RCOR3: variants seen among roughly 807,000 people sequenced by gnomAD.
RCOR3 encodes the protein REST corepressor 3.
RCOR3 carries 13 observed loss-of-function variants against 64.1 expected under a neutral mutation model. The ratio of observed to expected loss-of-function variants is 0.20; its 90% CI spans 0.13 to 0.32. The LOEUF (loss-of-function observed/expected upper bound fraction) is 0.32, where lower values mean the gene tolerates loss of function less well. RCOR3 is among the 10% of genes least tolerant of loss of function. RCOR3 has a pLI of 1.00. For missense variants in RCOR3, 489 were observed against 701.2 expected (o/e 0.70, Z 3.42); for synonymous variants, 215 against 239.0 (o/e 0.90, Z 0.93).
At chr1:211,288,978 A>G (rs1047448602) in intron 7 of RCOR3, among the ~76,000 whole-genome samples, 200 bp from the exon 8 acceptor site, 1 of 152,148 alleles carries the variant, frequency 6.6e-6, no homozygotes, top group Admixed American at 6.5e-5. Flanking sequence ...AAGCAAGGAT[A>G]TATTATGTTG....
intron 10 of RCOR3, among the ~76,000 whole-genome samples, chr1:211,306,651 A>G (rs912273406): frequency 1.3e-5 from 2 of 152,188 alleles, no homozygotes; most frequent in Non-Finnish European, 2.9e-5. Flanking sequence ...GAAACCAAAC[A>G]TATTGAGATC....
intron 2 of RCOR3, among the ~76,000 whole-genome samples, chr1:211,267,047 A>G (rs187449131): frequency 4.9e-4 from 75 of 152,352 alleles, no homozygotes; most frequent in Admixed American, 1.4e-3. Flanking sequence ...TAAAGAAGGA[A>G]GGAACTTAAG....
In RCOR3 at chr1:211,304,151, G is replaced by A. The variant is rs781779305; in HGVS notation, c.1075+11G>A. 3 of 1,556,334 alleles carry A rather than the reference G, an allele frequency of 1.9e-6. No individual in the cohort carries two copies. The highest frequency in any genetic ancestry group is 1.9e-5 in the Admixed American group (1 of 52,500). ...TTCTAGCAGTGCAAGGTATATTAAA[G>A]ATAAGCAGTTATTGTTGTTAATAAT... is the stretch of plus-strand genomic sequence containing the variant. On this transcript the variant is annotated intron_variant, in intron 10 of 11. Transcript: ENST00000419091.
chr1:211,281,282 G>A (rs911236899), intron 7 of RCOR3, among the ~76,000 whole-genome samples: 4 of 151,892 alleles, frequency 2.6e-5, no homozygotes, highest in African/African-American at 9.7e-5. Context: ...CAATTTTAGT[G>A]GCATCTTTTT....
chr1:211,267,120 T>C (rs544921046), intron 2 of RCOR3, among the ~76,000 whole-genome samples: 4 of 152,344 alleles, frequency 2.6e-5, no homozygotes, highest in Admixed American at 2.6e-4. Flanking sequence ...GCTTACCATA[T>C]GCCACGTACT....
chr1:211,295,066 T>TTTTTTTTTTTTTG (rs1553259603), intron 8 of RCOR3, among the ~76,000 whole-genome samples: 1 of 113,316 alleles, frequency 8.8e-6, no homozygotes. Flanking sequence ...TTTTTTTTTT[T>TTTTTTTTTTTTTG]TCATAGAGAC....
intron 2 of RCOR3, among the ~76,000 whole-genome samples, chr1:211,270,887 G>A (rs1288896217): frequency 1.4e-5 from 2 of 145,814 alleles, no homozygotes; most frequent in Non-Finnish European, 3.0e-5. Context: ...ACGGAGTCTC[G>A]CTCTTTCACC....
rs1701842013 is a variant in RCOR3, at chr1:211,315,950, T to C, written c.*2182T>C. 1 of 152,228 alleles carries C rather than the reference T, an allele frequency of 6.6e-6. No individual in the cohort carries two copies. Among genetic ancestry groups the C allele is most frequent in the Non-Finnish European group, 1.5e-5 (1 of 68,036 alleles). 9.4% of individuals were successfully genotyped at this position (152,228 alleles called of 1,614,324 possible). A position where few individuals can be genotyped will look rare whatever the true frequency, so the allele number is the denominator to read the frequency against. On this transcript the variant is annotated 3_prime_UTR_variant, in exon 12 of 12. Coordinates refer to ENST00000419091, the MANE Select transcript of RCOR3 (RefSeq NM_001136223.3). ...CACGTCATTATTTTTCTTTTTTGTT[T>C]AAGCAGTGTTTGGCCTGGAAGAGTG...
intron 3 of RCOR3, among the ~76,000 whole-genome samples, chr1:211,273,737 G>A (rs1463850682): frequency 3.3e-5 from 5 of 152,144 alleles, no homozygotes; most frequent in African/African-American, 1.2e-4. Context: ...TAAATGTGTC[G>A]TTATTATGTA....
rs943398058 is a variant in RCOR3 at position 211,315,720 on chromosome 1, C to T, written c.*1952C>T. On this transcript the variant is annotated 3_prime_UTR_variant, in exon 12 of 12. Coordinates refer to ENST00000419091, the MANE Select transcript of RCOR3 (RefSeq NM_001136223.3). The stretch of plus-strand genomic sequence containing the variant: ...CAAGTTGGTCAGCACCAGCATCTGT[C>T]CAGCTGTTCAGTATATTGTGATTCA... 1 of 152,208 alleles carries T rather than the reference C, an allele frequency of 6.6e-6. No individual in the cohort carries two copies. The highest frequency in any genetic ancestry group is 2.4e-5 in the African/African-American group (1 of 41,444). The allele number at this position is 152,208 out of a possible 1,614,324, so 9.4% of individuals were successfully genotyped here.
At chr1:211,298,470 G>T (rs969506460) in intron 9 of RCOR3, among the ~76,000 whole-genome samples, 1 of 152,166 alleles carries the variant, frequency 6.6e-6, no homozygotes, top group African/African-American at 2.4e-5. Flanking sequence ...TTTTAAAAAT[G>T]AGTCAACAGG....
Position 211,259,469 on chromosome 1 carries a change from C to T in RCOR3, c.-92C>T, listed in dbSNP as rs935685428. On this transcript the variant is annotated 5_prime_UTR_variant, in exon 1 of 12. Coordinates refer to ENST00000419091, the MANE Select transcript of RCOR3 (RefSeq NM_001136223.3). ...CCGCCGCCGCCGTCTCCTCCTCCTC[C>T]TCCTTTCCCTCCCGCCCGCGCTCTA... 2 of 1,351,754 alleles carry T rather than the reference C, an allele frequency of 1.5e-6. No homozygotes were observed. The highest frequency in any genetic ancestry group is 2.0e-6 in the Non-Finnish European group (2 of 995,196). 83.7% of individuals were successfully genotyped at this position (1,351,754 alleles called of 1,614,324 possible). A position where few individuals can be genotyped will look rare whatever the true frequency, so the allele number is the denominator to read the frequency against.
chr1:211,274,132 C>T, intron 3 of RCOR3, 78 bp from the exon 4 acceptor site: 2 of 940,836 alleles, frequency 2.1e-6, no homozygotes, highest in East Asian at 2.8e-5. Flanking sequence ...TTTTAATTTG[C>T]TATGTTAAGA....
chr1:211,295,285 A>G (rs1699752046), intron 8 of RCOR3, among the ~76,000 whole-genome samples: 1 of 152,144 alleles, frequency 6.6e-6, no homozygotes, highest in Non-Finnish European at 1.5e-5. Context: ...TGTTTTATAT[A>G]TAATAAATAT....
chr1:211,273,755 CAAAACTAT>C (rs1439667151), intron 3 of RCOR3, among the ~76,000 whole-genome samples: 2 of 152,096 alleles, frequency 1.3e-5, no homozygotes, highest in African/African-American at 4.8e-5. Context: ...GTATAGCTGG[CAAAACTAT>C]AAACTATCCT....
Position 211,312,931 on chromosome 1 carries a change from A to G in RCOR3, c.1287A>G (p.Pro429=). The change falls in exon 11 of 12, where the codon CCA becomes CCG. Residue 429 remains proline (P), a synonymous_variant. Coordinates refer to ENST00000419091, the MANE Select transcript of RCOR3 (RefSeq NM_001136223.3). The surrounding 1 kb of genome is among the most constrained non-coding windows in gnomAD (Gnocchi z 5.0). ...GEETKSASNV[P]SGKSTDEEEE... is the part of the protein sequence containing the mutation. ...AGACAAAAAGTGCTTCTAATGTGCCATCAGGGAAGAGCACTGATGAAGAAG... is the reference window on the plus strand; with the variant it reads ...AGACAAAAAGTGCTTCTAATGTGCCGTCAGGGAAGAGCACTGATGAAGAAG... 1 of 1,614,228 alleles carries G rather than the reference A, an allele frequency of 6.2e-7. No individual in the cohort carries two copies. The highest frequency in any genetic ancestry group is 1.1e-5 in the South Asian group (1 of 91,082).
chr1:211,277,253 A>C (rs1395504514), intron 5 of RCOR3, among the ~76,000 whole-genome samples: 1 of 151,850 alleles, frequency 6.6e-6, no homozygotes, highest in Non-Finnish European at 1.5e-5. Context: ...AAATCTGAGA[A>C]GTTCCTGCAT....
At chr1:211,290,112 T>A (rs781231973) in intron 8 of RCOR3, among the ~76,000 whole-genome samples, 2 of 152,230 alleles carry the variant, frequency 1.3e-5, no homozygotes, top group Non-Finnish European at 2.9e-5. Flanking sequence ...TCTTTTCCTA[T>A]TTTTTGTCTG....
At chr1:211,311,272 A>G (rs530876835) in intron 10 of RCOR3, among the ~76,000 whole-genome samples, 1 of 152,154 alleles carries the variant, frequency 6.6e-6, no homozygotes, top group African/African-American at 2.4e-5. Flanking sequence ...GATGTCTATC[A>G]TTGTTACTTT....
Sources: gnomAD v4.1 joint callset for allele counts (sites outside exome capture counted in the v4.1 genomes callset) on GRCh38, gnomAD v4.1.1 for gene constraint, Gnocchi (gnomAD v3.1) non-coding constraint, MANE v1.5 for transcripts, NCBI Gene and HGNC (gene_info 2026-07-23, HGNC 2026-07-21) for gene names.